Variants in KCNK10 observed in about 807,000 individuals in gnomAD.
KCNK10 encodes the protein potassium two pore domain channel subfamily K member 10.
KCNK10 carries 25 observed loss-of-function variants against 47.7 expected under a neutral mutation model. The ratio of observed to expected loss-of-function variants is 0.52; its 90% confidence interval spans 0.38 to 0.73. KCNK10 has a LOEUF of 0.73. KCNK10 is among the 30% of genes least tolerant of loss of function. The pLI, the probability that KCNK10 is intolerant of heterozygous loss-of-function variation, is 0.00. For missense variants in KCNK10, 563 were observed against 714.5 expected, an observed-to-expected ratio of 0.79 and a Z score of 2.42; for synonymous variants, 303 against 285.6, an observed-to-expected ratio of 1.06 and a Z score of -0.61.
At chr14:88,228,169 T>C (rs1390464946) in intron 3 of KCNK10, among the ~76,000 whole-genome samples, 1 of 152,188 alleles carries the variant, frequency 6.6e-6, no homozygotes, top group African/African-American at 2.4e-5. Flanking sequence ...GAACTCCACA[T>C]CATCTCTGAG....
In KCNK10 at chr14:88,185,144, T is replaced by C. The variant is rs977905586; in HGVS notation, c.*391A>G. 5 of 212,008 alleles carry C rather than the reference T, an allele frequency of 2.4e-5. No individual in the cohort carries two copies. The South Asian group carries it at 4.4e-4, about 19-fold the overall frequency. The allele number at this position is 212,008 out of a possible 1,614,324, so 13.1% of individuals were successfully genotyped here. A position where few individuals can be genotyped will look rare whatever the true frequency, so the allele number is the denominator to read the frequency against. ...TCAGGTCCCCTTCTGTGTGTGCACA[T>C]ATTACTACGACTCCACTAAAAAGAC... On this transcript the variant is annotated 3_prime_UTR_variant, in exon 7 of 7. Transcript: ENST00000319231. The surrounding 1 kb of genome is among the most constrained non-coding windows in gnomAD (Gnocchi z 4.3).
At chr14:88,302,480 C>A (rs375992046) in intron 1 of KCNK10, among the ~76,000 whole-genome samples, 1 of 152,140 alleles carries the variant, frequency 6.6e-6, no homozygotes, top group Non-Finnish European at 1.5e-5. Flanking sequence ...GAGGCCGAGG[C>A]GGGTGGATCA....
rs55899872 is a variant in KCNK10 at position 88,274,566 on chromosome 14, A to AAT, written c.53-11016_53-11015insAT. On this transcript the variant is annotated intron_variant, in intron 1 of 6. Transcript: ENST00000319231. ...ACTCTATCTAAAAAAAAAAAAAAAAAGATCTTATGGCTTAAGTCCGTAACA... is the reference window on the plus strand; with the variant it reads ...ACTCTATCTAAAAAAAAAAAAAAAAAATGATCTTATGGCTTAAGTCCGTAACA... 1.2e-4 allele frequency among the ~76,000 whole-genome samples: 17 copies of AAT among 139,626 alleles called. 1 individual carries two copies. The highest frequency in any genetic ancestry group is 5.0e-4 in the African/African-American group (16 of 32,140). 91.6% of individuals were successfully genotyped at this position (139,626 alleles called of 152,430 possible).
At chr14:88,275,906 G>A (rs1185391844) in intron 1 of KCNK10, among the ~76,000 whole-genome samples, 1 of 151,900 alleles carries the variant, frequency 6.6e-6, no homozygotes, top group Non-Finnish European at 1.5e-5. Context: ...GGCTCCGGTA[G>A]ACCAAGGAGA....
chr14:88,232,645 T>C (rs1886188034), intron 3 of KCNK10, among the ~76,000 whole-genome samples: 1 of 152,220 alleles, frequency 6.6e-6, no homozygotes, highest in South Asian at 2.1e-4. Flanking sequence ...ATTTTTCAAT[T>C]AAAAGAAAGA....
rs989670125 is a variant in KCNK10 at position 88,227,626 on chromosome 14, C to G, written c.521-91G>C. 3.3e-6 allele frequency: 4 copies of G among 1,223,014 alleles called. No homozygotes were observed. The African/African-American group carries it at 6.1e-5, about 19-fold the overall frequency. 75.8% of individuals were successfully genotyped at this position (1,223,014 alleles called of 1,614,324 possible). A position where few individuals can be genotyped will look rare whatever the true frequency, so the allele number is the denominator to read the frequency against. On this transcript the variant is annotated intron_variant, in intron 3 of 6. Coordinates refer to ENST00000319231, the MANE Select transcript of KCNK10 (RefSeq NM_138317.3). ...AGACTTTTTTAAAAGTTTGTACATTCCCCCACCTTATGAGCTTCAGGGAGT... is the reference window on the plus strand; with the variant it reads ...AGACTTTTTTAAAAGTTTGTACATTGCCCCACCTTATGAGCTTCAGGGAGT...
chr14:88,321,384 T>C (rs1888543660), intron 1 of KCNK10, among the ~76,000 whole-genome samples: 1 of 152,234 alleles, frequency 6.6e-6, no homozygotes, highest in East Asian at 1.9e-4. Flanking sequence ...AACTTTGAAT[T>C]ATGCATTCCT....
chr14:88,201,531 G>A (rs1363769959), intron 4 of KCNK10, among the ~76,000 whole-genome samples: 2 of 152,010 alleles, frequency 1.3e-5, no homozygotes, highest in Admixed American at 6.5e-5. Flanking sequence ...GTGGTGGCAG[G>A]TACCTGTAAT....
chr14:88,226,255 T>C (rs757011287), intron 4 of KCNK10, among the ~76,000 whole-genome samples: 5 of 152,214 alleles, frequency 3.3e-5, no homozygotes, highest in African/African-American at 9.6e-5. Flanking sequence ...CACCCAGCTA[T>C]GGTGCCTCGT....
At chr14:88,297,326 T>C (rs1312363488) in intron 1 of KCNK10, among the ~76,000 whole-genome samples, 1 of 152,230 alleles carries the variant, frequency 6.6e-6, no homozygotes, top group Admixed American at 6.5e-5. Flanking sequence ...CTTCAAACAT[T>C]TGTTGCCACT....
At chr14:88,243,850 C>A (rs1886548336) in intron 2 of KCNK10, among the ~76,000 whole-genome samples, 1 of 151,024 alleles carries the variant, frequency 6.6e-6, no homozygotes, top group South Asian at 2.1e-4. Flanking sequence ...CTTTGAAGAG[C>A]AACTCCATCT....
chr14:88,240,631 A>T, intron 3 of KCNK10, 72 bp downstream of exon 3: 2 of 963,516 alleles, frequency 2.1e-6, no homozygotes, highest in Non-Finnish European at 3.4e-6. Context: ...TGCTATGAGG[A>T]CAAAACACTG....
At chr14:88,312,987 C>T (rs925229801) in intron 1 of KCNK10, among the ~76,000 whole-genome samples, 6 of 152,086 alleles carry the variant, frequency 3.9e-5, no homozygotes, top group African/African-American at 1.4e-4. Flanking sequence ...AAAATGCAGG[C>T]TTAAACAAAA....
intron 1 of KCNK10, among the ~76,000 whole-genome samples, chr14:88,294,565 G>C (rs1202407018): frequency 6.6e-6 from 1 of 152,224 alleles, no homozygotes; most frequent in Non-Finnish European, 1.5e-5. Flanking sequence ...CCAGAGCAAT[G>C]TGTCAAGCAA....
intron 1 of KCNK10, among the ~76,000 whole-genome samples, chr14:88,313,726 A>G (rs1181767739): frequency 1.3e-5 from 2 of 152,140 alleles, no homozygotes; most frequent in Non-Finnish European, 2.9e-5. Flanking sequence ...ACCCAATTAA[A>G]CTATCCCTGA....
At chr14:88,249,266 A>G (rs141186483) in intron 2 of KCNK10, among the ~76,000 whole-genome samples, 3,373 of 152,350 alleles carry the variant, frequency 0.022, 65 homozygotes, top group Non-Finnish European at 0.035. Context: ...GGAAAAATAA[A>G]TGTTCCCAAT....
In KCNK10 at chr14:88,278,448, G is replaced by A. The variant is rs150109359; in HGVS notation, c.53-14897C>T. 6.5e-3 allele frequency among the ~76,000 whole-genome samples: 991 copies of A among 152,254 alleles called. 7 individuals carry two copies. The highest frequency in any genetic ancestry group is 0.01 in the Non-Finnish European group (693 of 68,026). ...GTTATAAAATTGTGGGACACTATTC[G>A]AAAATCTAAGACAAATTGGATATTG... On this transcript the variant is annotated intron_variant, in intron 1 of 6. Coordinates refer to ENST00000319231, the MANE Select transcript of KCNK10 (RefSeq NM_138317.3).
chr14:88,251,920 A>G (rs1416399981), intron 2 of KCNK10, among the ~76,000 whole-genome samples: 2 of 152,134 alleles, frequency 1.3e-5, no homozygotes, highest in African/African-American at 4.8e-5. Flanking sequence ...TTGTCCTACT[A>G]AATCAGTTCT....
In KCNK10 at chr14:88,180,957, C is replaced by A. The variant is rs779297089; in HGVS notation, c.*4578G>T. The A allele has an allele frequency of 5.0e-6, 2 of 397,648 alleles. No individual in the cohort carries two copies. The highest frequency in any genetic ancestry group is 8.9e-6 in the Non-Finnish European group (2 of 225,674). 24.6% of individuals were successfully genotyped at this position (397,648 alleles called of 1,614,324 possible). ...TCTTTTTAAGGCCATTACTAGCCAG[C>A]TCTTACTGTTCACTCAGCCACTGTC... On this transcript the variant is annotated 3_prime_UTR_variant, in exon 7 of 7. Coordinates refer to ENST00000319231, the MANE Select transcript of KCNK10 (RefSeq NM_138317.3).
Sources: gnomAD v4.1 joint callset for allele counts (sites outside exome capture counted in the v4.1 genomes callset) on GRCh38, gnomAD v4.1.1 for gene constraint, Gnocchi (gnomAD v3.1) non-coding constraint, MANE v1.5 for transcripts, NCBI Gene and HGNC (gene_info 2026-07-23, HGNC 2026-07-21) for gene names.